DCTN2: variants seen among roughly 807,000 people sequenced by gnomAD.
DCTN2 encodes dynactin subunit 2.
In DCTN2, 18 loss-of-function variants were observed where a neutral mutation model predicts 55.4. The ratio of observed to expected loss-of-function variants is 0.32; its 90% CI spans 0.22 to 0.48. The LOEUF (loss-of-function observed/expected upper bound fraction) is 0.48. DCTN2 is among the 20% of genes least tolerant of loss of function. The probability of loss-of-function intolerance (pLI) is 0.99; values close to 1 mark genes in which losing one functional copy is unlikely to be tolerated. For missense variants in DCTN2, 390 were observed against 491.0 expected, an observed-to-expected ratio of 0.79 and a Z score of 1.94; for synonymous variants, 168 against 185.2, an observed-to-expected ratio of 0.91 and a Z score of 0.76.
intron 2 of DCTN2, chr12:57,543,702 C>T (rs1425642761): frequency 1.0e-6 from 1 of 964,580 alleles, no homozygotes; most frequent in Non-Finnish European, 1.2e-6. Flanking sequence ...GGTCTGCCCA[C>T]CCCATTCCTC....
chr12:57,540,333 G>A (rs1208477612), intron 2 of DCTN2, among the ~76,000 whole-genome samples: 2 of 152,208 alleles, frequency 1.3e-5, no homozygotes, highest in Non-Finnish European at 2.9e-5. Context: ...CAAATAAAAG[G>A]AAAAGTGGTA....
At chr12:57,538,360 T>C (rs1010192423) in intron 2 of DCTN2, 4 of 662,108 alleles carry the variant, frequency 6.0e-6, no homozygotes, top group Non-Finnish European at 1.1e-5. Context: ...GGGGCATGAG[T>C]TGGGGGCAGT....
At chr12:57,538,991 G>A (rs188496732) in intron 2 of DCTN2, among the ~76,000 whole-genome samples, 1 of 152,338 alleles carries the variant, frequency 6.6e-6, no homozygotes, top group Non-Finnish European at 1.5e-5. Flanking sequence ...CTCAGGAGAG[G>A]AGTTCCCCTT....
intron 2 of DCTN2, chr12:57,541,313 G>A (rs1057361159): frequency 3.5e-5 from 56 of 1,592,570 alleles, no homozygotes; most frequent in Non-Finnish European, 3.9e-5. Context: ...CATTGCATGC[G>A]AGATGGCAGA....
rs1879517700 is a variant in DCTN2, at chr12:57,530,220, T to C, written c.*469A>G. 6.5e-6 allele frequency: 1 copy of C among 153,372 alleles called. No individual in the cohort carries two copies. The highest frequency in any genetic ancestry group is 2.4e-5 in the African/African-American group (1 of 41,478). The allele number at this position is 153,372 out of a possible 1,614,324, so 9.5% of individuals were successfully genotyped here. ...GGTTACAATTTAAATCCATCTCTTGTAGTATAGAGTGGCTTAGATTGCCTG... is the reference window on the plus strand; with the variant it reads ...GGTTACAATTTAAATCCATCTCTTGCAGTATAGAGTGGCTTAGATTGCCTG... On this transcript the variant is annotated 3_prime_UTR_variant, in exon 14 of 14. Coordinates refer to ENST00000548249, the MANE Select transcript of DCTN2 (RefSeq NM_001261413.2).
chr12:57,530,896 G>T, intron 13 of DCTN2, 121 bp from the exon 14 acceptor site: 1 of 866,644 alleles, frequency 1.2e-6, no homozygotes, highest in East Asian at 2.4e-5. Flanking sequence ...GGGCCACAGA[G>T]GGGGGATGTT....
At chr12:57,531,927 A>C in intron 13 of DCTN2, 88 bp downstream of exon 13, 1 of 1,532,452 alleles carries the variant, frequency 6.5e-7, no homozygotes, top group Non-Finnish European at 8.8e-7. Flanking sequence ...CATGCTACAA[A>C]ATAGGCTAAG....
chr12:57,535,804 A>C lies in DCTN2; in HGVS notation c.147T>G (p.Asn49Lys). 6.2e-7 allele frequency: 1 copy of C among 1,613,898 alleles called. No individual in the cohort carries two copies. The highest frequency in any genetic ancestry group is 8.5e-7 in the Non-Finnish European group (1 of 1,179,858). The change falls in exon 3 of 14, where the codon AAT (asparagine) becomes AAG (lysine). Residue 49 changes from asparagine (N) to lysine (K), a missense_variant. Coordinates refer to ENST00000548249, the MANE Select transcript of DCTN2 (RefSeq NM_001261413.2). ...TGAACTTGTCATAGGCAGCATTAGG[A>C]TTGACAATGATGTGTTCCACACTTG... is the stretch of plus-strand genomic sequence containing the variant. ...TSTSVEHIIV[N>K]PNAAYDKFKD...
At chr12:57,542,696 G>GT (rs1165451010) in intron 2 of DCTN2, among the ~76,000 whole-genome samples, 2 of 152,196 alleles carry the variant, frequency 1.3e-5, no homozygotes, top group South Asian at 2.1e-4. Context: ...GCACATGCCT[G>GT]TAATTCCAGC....
In DCTN2 at chr12:57,532,278, G is replaced by C; in HGVS notation, c.962C>G (p.Pro321Arg). The change falls in exon 12 of 14, where the codon CCC becomes CGC. Residue 321 changes from proline (P) to arginine (R), a missense_variant. Pro to Arg is a moderately radical substitution (Grantham distance 103, BLOSUM62 -2). Around this residue, in one of 2 missense-constraint regions of DCTN2, gnomAD observed 273 missense variants for 303.2 expected, o/e 0.90. Transcript: ENST00000548249. ...CAGCTCAGGGAGGGTGGAGGCAATG[G>C]GGCTCCAGCGCTGTATAGTTTCATA... The part of the protein sequence containing the change: ...QLYETIQRWS[P>R]IASTLPELVQ... The C allele has an allele frequency of 1.9e-6, 3 of 1,563,190 alleles. No individual in the cohort carries two copies. The highest frequency in any genetic ancestry group is 2.6e-6 in the Non-Finnish European group (3 of 1,153,248).
chr12:57,535,724 C>T lies in DCTN2; in HGVS notation c.202+25G>A, dbSNP rs148592832. On this transcript the variant is annotated intron_variant, in intron 3 of 13. Transcript: ENST00000548249. ...CATGCTTATCCTCCAGTCTTCCCCC[C>T]ACCCAGCTTCCAGCCCAGTCTCACC... 2.1e-3 allele frequency: 3,423 copies of T among 1,597,530 alleles called. 133 individuals carry two copies. The East Asian group carries it at 0.061, about 28-fold the overall frequency.
Position 57,530,585 on chromosome 12 carries a change from G to T in DCTN2, c.*104C>A. On this transcript the variant is annotated 3_prime_UTR_variant, in exon 14 of 14. Transcript: ENST00000548249. ...AGAACCCTTGCCCCCAGTGTCAAAT[G>T]GGATGGGGATGCTAGAGTTATAGTA... The T allele has an allele frequency of 1.0e-6, 1 of 1,003,950 alleles. No individual in the cohort carries two copies. The highest frequency in any genetic ancestry group is 2.4e-5 in the East Asian group (1 of 41,134). The allele number at this position is 1,003,950 out of a possible 1,614,324, so 62.2% of individuals were successfully genotyped here. A position where few individuals can be genotyped will look rare whatever the true frequency, so the allele number is the denominator to read the frequency against.
At chr12:57,537,737 T>C (rs537867232) in intron 2 of DCTN2, among the ~76,000 whole-genome samples, 1 of 152,172 alleles carries the variant, frequency 6.6e-6, no homozygotes, top group Non-Finnish European at 1.5e-5. Context: ...AAGGACTCAA[T>C]GTCCCATATG....
At chr12:57,532,455 C>A (rs967451430) in intron 11 of DCTN2, 117 bp downstream of exon 11, 1 of 1,365,032 alleles carries the variant, frequency 7.3e-7, no homozygotes, top group East Asian at 2.3e-5. Flanking sequence ...CTGATAAGCT[C>A]TTCATAAGAG....
chr12:57,538,081 G>A (rs1351737928), intron 2 of DCTN2, among the ~76,000 whole-genome samples: 1 of 152,186 alleles, frequency 6.6e-6, no homozygotes. Flanking sequence ...TATTATGGGC[G>A]GGCACTATGC....
At chr12:57,533,046 G>A in intron 8 of DCTN2, 24 bp from the exon 9 acceptor site, 1 of 1,590,486 alleles carries the variant, frequency 6.3e-7, no homozygotes, top group South Asian at 1.1e-5. Context: ...AAGGGAAGAA[G>A]TGAGTGGTCC....
intron 2 of DCTN2, chr12:57,543,276 G>C: frequency 3.0e-6 from 1 of 331,208 alleles, no homozygotes; most frequent in Non-Finnish European, 5.9e-6. Flanking sequence ...GTGAACCCGG[G>C]AGGTGGAGCT....
intron 2 of DCTN2, chr12:57,536,228 G>A (rs1424954526): frequency 9.2e-6 from 2 of 217,992 alleles, no homozygotes; most frequent in Non-Finnish European, 1.8e-5. Flanking sequence ...AATCTTGCCC[G>A]CTGAGCAAGT....
At chr12:57,536,446 G>A (rs543026974) in intron 2 of DCTN2, among the ~76,000 whole-genome samples, 15 of 152,360 alleles carry the variant, frequency 9.8e-5, no homozygotes, top group Admixed American at 9.1e-4. Flanking sequence ...CAGGGACAGG[G>A]AGAAGGGGCA....
Sources: allele counts gnomAD v4.1 joint callset (sites outside exome capture counted in the v4.1 genomes callset), GRCh38; gene constraint gnomAD v4.1.1; regional missense constraint gnomAD v4.1.1; transcripts MANE v1.5; gene names NCBI Gene and HGNC (gene_info 2026-07-23, HGNC 2026-07-21).